The following ITPR1 variants were observed in gnomAD, a reference collection of about 807,000 sequenced individuals.
ITPR1 encodes inositol 1,4,5-trisphosphate receptor type 1, also known as inositol 1,4,5-trisphosphate-gated calcium channel ITPR1.
Under a neutral mutation model 318.4 loss-of-function variants are expected in ITPR1, and 96 were observed. That is an observed-to-expected ratio of 0.30 (90% CI 0.26 to 0.36). The LOEUF (loss-of-function observed/expected upper bound fraction) is 0.36. ITPR1 is among the 10% of genes least tolerant of loss of function. ITPR1 has a pLI of 1.00. For missense variants in ITPR1, 2,440 were observed against 3,460.2 expected (o/e 0.71, Z 7.40); for synonymous variants, 1,312 against 1,289.9 (o/e 1.02, Z -0.37).
At chr3:4,759,969 T>C (rs3792497) in intron 44 of ITPR1, among the ~76,000 whole-genome samples, 118,229 of 152,128 alleles carry the variant, frequency 0.78, 45,998 homozygotes, top group East Asian at 0.92. Context: ...AAAGCGTATC[T>C]GATCAGATCT....
chr3:4,625,836 C>T (rs1292574956), intron 4 of ITPR1, among the ~76,000 whole-genome samples: 2 of 152,184 alleles, frequency 1.3e-5, no homozygotes, highest in East Asian at 3.8e-4. Flanking sequence ...GGATTACAGG[C>T]GTGAGCCACC....
Position 4,706,267 on chromosome 3 carries a change from G to A in ITPR1, c.4758G>A (p.Trp1586Ter). 6.2e-7 allele frequency: 1 copy of A among 1,614,026 alleles called. No individual in the cohort carries two copies. Residue 1586 changes from tryptophan (W) to a stop codon, truncating the protein, a stop_gained, in exon 37 of 62, where the codon TGG (tryptophan) becomes TGA (stop). Transcript: ENST00000649015. LOFTEE classifies it high-confidence loss of function. ...HSIVQKTAMNWRLSARNAARR... is the reference protein window; with the variant it reads ...HSIVQKTAMN ...TTGTGCAGAAAACAGCCATGAACTGGCGGCTCTCAGCCCGCAATGCCGCAC... is the reference window on the plus strand; with the variant it reads ...TTGTGCAGAAAACAGCCATGAACTGACGGCTCTCAGCCCGCAATGCCGCAC...
intron 39 of ITPR1, among the ~76,000 whole-genome samples, chr3:4,712,813 A>G (rs1382483259): frequency 6.6e-6 from 1 of 152,168 alleles, no homozygotes; most frequent in Non-Finnish European, 1.5e-5. Context: ...AAAACAGAAA[A>G]CGGATTTTGC....
At chr3:4,501,198 G>A (rs1039125332) in intron 2 of ITPR1, among the ~76,000 whole-genome samples, 6 of 151,590 alleles carry the variant, frequency 4.0e-5, no homozygotes, top group Non-Finnish European at 8.8e-5. Context: ...CACTAGAATA[G>A]AAAACATGGA....
At chr3:4,774,368 A>G (rs149303291) in intron 46 of ITPR1, among the ~76,000 whole-genome samples, 1 of 152,250 alleles carries the variant, frequency 6.6e-6, no homozygotes, top group Admixed American at 6.5e-5. Flanking sequence ...AGAAGTGAAT[A>G]CTTCATAGAA....
chr3:4,609,368 T>C (rs962958912), intron 4 of ITPR1, among the ~76,000 whole-genome samples: 8 of 151,814 alleles, frequency 5.3e-5, no homozygotes, highest in African/African-American at 1.9e-4. Flanking sequence ...AAAGGAAACA[T>C]AGGTCATGAA....
chr3:4,510,901 T>C (rs1343464909), intron 2 of ITPR1, among the ~76,000 whole-genome samples: 1 of 151,972 alleles, frequency 6.6e-6, no homozygotes, highest in African/African-American at 2.4e-5. Context: ...GTTGTGGGCT[T>C]GAGAAAACAG....
chr3:4,687,768 A>T (rs890019921), intron 30 of ITPR1, among the ~76,000 whole-genome samples: 1 of 152,220 alleles, frequency 6.6e-6, no homozygotes, highest in Admixed American at 6.5e-5. Flanking sequence ...TAATCCAACC[A>T]CGTGAAATGC....
chr3:4,561,237 C>T (rs572463418), intron 4 of ITPR1, among the ~76,000 whole-genome samples: 5 of 152,244 alleles, frequency 3.3e-5, no homozygotes, highest in South Asian at 2.1e-4. Flanking sequence ...TTGATAATGA[C>T]GAGAGTGAAA....
At chr3:4,529,311 A>G (rs1221921934) in intron 4 of ITPR1, among the ~76,000 whole-genome samples, 4 of 152,206 alleles carry the variant, frequency 2.6e-5, no homozygotes, top group African/African-American at 4.8e-5. Context: ...TTGTCCTCCA[A>G]TTGAATCACT....
At chr3:4,654,626 CAT>C (rs1481543343) in intron 12 of ITPR1, among the ~76,000 whole-genome samples, 3 of 152,186 alleles carry the variant, frequency 2.0e-5, no homozygotes, top group Non-Finnish European at 4.4e-5. Context: ...CTGTGTCTGA[CAT>C]GTGTGTCTAC....
intron 44 of ITPR1, among the ~76,000 whole-genome samples, chr3:4,739,931 C>T (rs2043575923): frequency 6.6e-6 from 1 of 152,088 alleles, no homozygotes; most frequent in Non-Finnish European, 1.5e-5. Context: ...GTGGTTTGGG[C>T]TTCTTAGAAC....
intron 61 of ITPR1, among the ~76,000 whole-genome samples, chr3:4,838,647 T>G (rs2051105699): frequency 6.6e-6 from 1 of 152,212 alleles, no homozygotes; most frequent in Non-Finnish European, 1.5e-5. Flanking sequence ...GATCTTTGTT[T>G]CACACCCGTG....
At chr3:4,529,162 T>C (rs2124946102) in intron 4 of ITPR1, among the ~76,000 whole-genome samples, 1 of 152,298 alleles carries the variant, frequency 6.6e-6, no homozygotes, top group African/African-American at 2.4e-5. Context: ...ATCCATTCTT[T>C]TTTGCATACC....
chr3:4,656,598 A>G (rs2093714504), intron 12 of ITPR1, among the ~76,000 whole-genome samples: 2 of 152,322 alleles, frequency 1.3e-5, no homozygotes, highest in South Asian at 2.1e-4. Flanking sequence ...AAACACACAT[A>G]GAGGTTGGGG....
At chr3:4,574,038 G>A (rs372984527) in intron 4 of ITPR1, among the ~76,000 whole-genome samples, 4 of 152,308 alleles carry the variant, frequency 2.6e-5, no homozygotes, top group Admixed American at 1.3e-4. Flanking sequence ...TGGCCATGGC[G>A]ACAGAGGTGC....
rs1240554907 is a variant in ITPR1, at chr3:4,648,568, G to C, written c.855+2840G>C. Among the ~76,000 whole-genome samples the C allele has an allele frequency of 1.2e-4, 18 of 152,184 alleles. 1 individual carries two copies. Among genetic ancestry groups the C allele is most frequent in the Admixed American group, 1.2e-3 (18 of 15,276 alleles). ...CTCATGCCTGTAATCCCAGCACTTT[G>C]GGAGGCCGAGGTGGGCGGTTCACTG... On this transcript the variant is annotated intron_variant, in intron 10 of 61. Coordinates refer to ENST00000649015, the MANE Select transcript of ITPR1 (RefSeq NM_001378452.1).
intron 36 of ITPR1, 45 bp downstream of exon 36, chr3:4,702,995 G>T (rs775321606): frequency 1.1e-5 from 18 of 1,593,506 alleles, no homozygotes; most frequent in Admixed American, 1.7e-5. Context: ...AAAATGAATT[G>T]TCTGACAGTA....
At chr3:4,510,455 A>T (rs1343841255) in intron 2 of ITPR1, among the ~76,000 whole-genome samples, 1 of 152,236 alleles carries the variant, frequency 6.6e-6, no homozygotes, top group Non-Finnish European at 1.5e-5. Flanking sequence ...TTGAGAAATG[A>T]TACTGGCTGA....
Sources: gnomAD v4.1 joint callset for allele counts (sites outside exome capture counted in the v4.1 genomes callset) on GRCh38, gnomAD v4.1.1 for gene constraint, MANE v1.5 for transcripts, NCBI Gene and HGNC (gene_info 2026-07-23, HGNC 2026-07-21) for gene names.